Variants in NDUFA10 observed in about 807,000 individuals in gnomAD.
The protein encoded by NDUFA10 is NADH dehydrogenase [ubiquinone] 1 alpha subcomplex subunit 10, mitochondrial.
In NDUFA10, 40 loss-of-function variants were observed where a neutral mutation model predicts 47.8. The observed-to-expected ratio is 0.84, with a 90% CI of 0.65 to 1.09. NDUFA10 has a LOEUF of 1.09. Ranked by LOEUF, NDUFA10 falls within the 50% of genes least tolerant of loss-of-function variation. The pLI is 0.00. For missense variants in NDUFA10, 413 were observed against 451.1 expected (o/e 0.92, Z 0.76); for synonymous variants, 183 against 172.2 (o/e 1.06, Z -0.49).
intron 9 of NDUFA10, among the ~76,000 whole-genome samples, chr2:239,971,676 T>G (rs1158475489): frequency 1.3e-5 from 2 of 152,210 alleles, no homozygotes; most frequent in Non-Finnish European, 2.9e-5. Context: ...TACGGTCACG[T>G]GGCTAGCTGG....
At chr2:239,990,387 C>A (rs1696196461) in intron 8 of NDUFA10, among the ~76,000 whole-genome samples, 1 of 152,230 alleles carries the variant, frequency 6.6e-6, no homozygotes, top group Non-Finnish European at 1.5e-5. Flanking sequence ...TAATATTACT[C>A]TCAGAACCTG....
intron 4 of NDUFA10, among the ~76,000 whole-genome samples, chr2:239,907,793 TTGG>T (rs1188838761): frequency 6.6e-6 from 1 of 152,318 alleles, no homozygotes; most frequent in Non-Finnish European, 1.5e-5. Flanking sequence ...TTTTACACTG[TTGG>T]TGGGAGTGTA....
At chr2:239,892,906 A>C (rs559546655) in intron 5 of NDUFA10, among the ~76,000 whole-genome samples, 1 of 152,302 alleles carries the variant, frequency 6.6e-6, no homozygotes, top group South Asian at 2.1e-4. Flanking sequence ...CAAGGAAACC[A>C]CAGGGGACAG....
intron 7 of NDUFA10, among the ~76,000 whole-genome samples, chr2:240,005,989 T>C (rs776216453): frequency 3.4e-4 from 52 of 152,106 alleles, no homozygotes; most frequent in Non-Finnish European, 6.9e-4. Flanking sequence ...TACAAACCCA[T>C]TACCTAGAGA....
chr2:239,894,648 C>A (rs141726956), intron 5 of NDUFA10, among the ~76,000 whole-genome samples: 1 of 152,094 alleles, frequency 6.6e-6, no homozygotes, highest in Non-Finnish European at 1.5e-5. Context: ...ACAGTCCCCA[C>A]GCCAGCTTCT....
chr2:239,999,886 G>A (rs1225143730), intron 8 of NDUFA10, among the ~76,000 whole-genome samples: 1 of 152,206 alleles, frequency 6.6e-6, no homozygotes, highest in Non-Finnish European at 1.5e-5. Flanking sequence ...GTTATGCACA[G>A]CATGGCGTTT....
chr2:239,899,717 G>A (rs950669465), intron 4 of NDUFA10, among the ~76,000 whole-genome samples: 3 of 152,002 alleles, frequency 2.0e-5, no homozygotes, highest in Non-Finnish European at 4.4e-5. Context: ...GAAGCTCCTG[G>A]GCCTCAATGC....
chr2:239,922,058 C>T (rs1693998188), intron 4 of NDUFA10, among the ~76,000 whole-genome samples: 1 of 140,890 alleles, frequency 7.1e-6, no homozygotes. Flanking sequence ...CCCTCCCTCC[C>T]TTCCTTCTTT....
intron 4 of NDUFA10, among the ~76,000 whole-genome samples, chr2:239,911,670 A>AGTGTGTGTGTGTGTGTGTGTGT (rs146389087): frequency 1.4e-5 from 2 of 146,536 alleles, no homozygotes; most frequent in African/African-American, 2.6e-5. Flanking sequence ...AACATGAGAG[A>AGTGTGTGTGTGTGTGTGTGTGT]GTGTGTGTGC....
intron 9 of NDUFA10, among the ~76,000 whole-genome samples, chr2:239,988,366 C>T (rs540030196): frequency 1.1e-4 from 17 of 152,252 alleles, no homozygotes; most frequent in African/African-American, 3.4e-4. Context: ...TCTAATCATA[C>T]GGCCCTAAAA....
intron 4 of NDUFA10, among the ~76,000 whole-genome samples, chr2:239,912,365 G>A (rs945382342): frequency 2.0e-5 from 3 of 152,212 alleles, no homozygotes; most frequent in African/African-American, 7.2e-5. Flanking sequence ...CCAGGCTGTA[G>A]CTGATAGTCA....
chr2:239,915,538 T>TACAC (rs747288570), intron 4 of NDUFA10, among the ~76,000 whole-genome samples: 22,427 of 122,530 alleles, frequency 0.18, 1,898 homozygotes, highest in African/African-American at 0.27. Flanking sequence ...TACACAAACA[T>TACAC]ACACAGAGAA....
At chr2:240,003,899 C>G (rs1031671149) in intron 8 of NDUFA10, among the ~76,000 whole-genome samples, 1 of 152,170 alleles carries the variant, frequency 6.6e-6, no homozygotes, top group Non-Finnish European at 1.5e-5. Flanking sequence ...TGCACAGAGA[C>G]ACTGCAAGAG....
intron 9 of NDUFA10, among the ~76,000 whole-genome samples, chr2:239,962,527 C>A (rs1453232171): frequency 6.6e-6 from 1 of 152,192 alleles, no homozygotes; most frequent in Non-Finnish European, 1.5e-5. Context: ...CAGGAGCCAC[C>A]CTTCCTCCTC....
intron 9 of NDUFA10, among the ~76,000 whole-genome samples, chr2:239,972,185 A>G (rs1035332956): frequency 6.6e-6 from 1 of 151,978 alleles, no homozygotes; most frequent in Non-Finnish European, 1.5e-5. Flanking sequence ...GTATACATAT[A>G]TTTGTAAATA....
chr2:239,951,611 G>A (rs1184118739), intron 4 of NDUFA10, among the ~76,000 whole-genome samples: 4 of 152,194 alleles, frequency 2.6e-5, no homozygotes, highest in African/African-American at 7.2e-5. Flanking sequence ...ATGGAGGGGC[G>A]GCAGGCTTGG....
At chr2:239,925,124 T>G (rs899170909) in intron 4 of NDUFA10, among the ~76,000 whole-genome samples, 1 of 152,220 alleles carries the variant, frequency 6.6e-6, no homozygotes, top group African/African-American at 2.4e-5. Context: ...TAAATTCATC[T>G]ATAGTCTTAG....
intron 8 of NDUFA10, among the ~76,000 whole-genome samples, chr2:239,998,536 T>C (rs907133787): frequency 1.0e-4 from 6 of 59,578 alleles, no homozygotes; most frequent in African/African-American, 2.7e-4. Flanking sequence ...CTTGGTTGGC[T>C]TCTGGAAACT....
chr2:239,981,813 T>A (rs1695787626), intron 9 of NDUFA10, among the ~76,000 whole-genome samples: 2 of 152,176 alleles, frequency 1.3e-5, no homozygotes, highest in Admixed American at 1.3e-4. Flanking sequence ...ATAGTTTTAG[T>A]AATTTTATTA....
Sources: gnomAD v4.1 joint callset for allele counts (sites outside exome capture counted in the v4.1 genomes callset) on GRCh38, gnomAD v4.1.1 for gene constraint, MANE v1.5 for transcripts, NCBI Gene and HGNC (gene_info 2026-07-23, HGNC 2026-07-21) for gene names.